CARMIL1: variants seen among roughly 807,000 people sequenced by gnomAD.
CARMIL1 encodes the protein F-actin-uncapping protein LRRC16A.
Under a neutral mutation model 177.1 loss-of-function variants are expected in CARMIL1, and 90 were observed. The observed-to-expected ratio is 0.51, with a 90% CI of 0.43 to 0.61. CARMIL1 has a LOEUF of 0.61. Ranked by LOEUF, CARMIL1 falls within the 20% of genes least tolerant of loss-of-function variation. The pLI, the probability that CARMIL1 is intolerant of heterozygous loss-of-function variation, is 0.00. For missense variants in CARMIL1, 1,380 were observed against 1,667.0 expected (o/e 0.83, Z 3.00); for synonymous variants, 577 against 606.2 (o/e 0.95, Z 0.71).
chr6:25,306,040 C>A (rs1200810837), intron 2 of CARMIL1, among the ~76,000 whole-genome samples: 1 of 152,110 alleles, frequency 6.6e-6, no homozygotes, highest in Non-Finnish European at 1.5e-5. Context: ...ATTTCCAGAA[C>A]TTTTTCATCC....
At chr6:25,279,962 G>C in intron 1 of CARMIL1, 127 bp downstream of exon 1, 2 of 1,117,444 alleles carry the variant, frequency 1.8e-6, no homozygotes, top group Non-Finnish European at 2.7e-6. Flanking sequence ...GAGTGGTGTT[G>C]GGCAGGGTCA....
intron 8 of CARMIL1, among the ~76,000 whole-genome samples, chr6:25,460,657 T>G (rs910334618): frequency 6.6e-6 from 1 of 152,208 alleles, no homozygotes; most frequent in African/African-American, 2.4e-5. Context: ...GAAATTGAGG[T>G]TTTACATGTT....
At chr6:25,610,228 GAGGGACATTTCAA>G in intron 36 of CARMIL1, 47 bp downstream of exon 36, 1 of 1,559,634 alleles carries the variant, frequency 6.4e-7, no homozygotes, top group Non-Finnish European at 8.7e-7. Context: ...TCTCCCCAAG[GAGGGACATTTCAA>G]AATAAAGGAA....
intron 24 of CARMIL1, among the ~76,000 whole-genome samples, chr6:25,533,321 C>T (rs1356889747): frequency 6.6e-6 from 1 of 152,154 alleles, no homozygotes; most frequent in African/African-American, 2.4e-5. Flanking sequence ...AACTTGGGCT[C>T]TCAAGTCAGA....
chr6:25,585,555 T>A (rs928648130), intron 31 of CARMIL1, among the ~76,000 whole-genome samples: 1 of 152,216 alleles, frequency 6.6e-6, no homozygotes, highest in African/African-American at 2.4e-5. Context: ...TTATTTTTTA[T>A]TTTTTAGTAT....
At chr6:25,433,871 A>G (rs941633273) in intron 4 of CARMIL1, among the ~76,000 whole-genome samples, 5 of 152,212 alleles carry the variant, frequency 3.3e-5, no homozygotes, top group African/African-American at 7.2e-5. Flanking sequence ...TTTGACATAC[A>G]TATGTTGAAA....
intron 4 of CARMIL1, among the ~76,000 whole-genome samples, chr6:25,427,028 G>T (rs562777825): frequency 1.3e-5 from 2 of 152,038 alleles, no homozygotes; most frequent in Non-Finnish European, 2.9e-5. Context: ...CTCTGTCTTC[G>T]CCCTCTTCCC....
chr6:25,470,726 T>C (rs1420844194), intron 9 of CARMIL1, among the ~76,000 whole-genome samples: 3 of 152,182 alleles, frequency 2.0e-5, no homozygotes, highest in African/African-American at 7.2e-5. Context: ...TGGTGCCTTT[T>C]AGCTGTGTCT....
At chr6:25,332,775 G>GCACACACACACA (rs1441062522) in intron 2 of CARMIL1, among the ~76,000 whole-genome samples, 2 of 137,206 alleles carry the variant, frequency 1.5e-5, no homozygotes, top group African/African-American at 5.6e-5. Flanking sequence ...ACACACACGC[G>GCACACACACACA]CACACACACA....
At chr6:25,403,099 T>A (rs13216709) in intron 2 of CARMIL1, among the ~76,000 whole-genome samples, 49,231 of 146,948 alleles carry the variant, frequency 0.34, 8,246 homozygotes, top group Middle Eastern at 0.41. Flanking sequence ...TTTTTTTTTT[T>A]AAAAACAAAA....
chr6:25,566,968 A>G (rs1310856809), intron 29 of CARMIL1, among the ~76,000 whole-genome samples: 1 of 152,244 alleles, frequency 6.6e-6, no homozygotes, highest in Non-Finnish European at 1.5e-5. Flanking sequence ...CTGAGGAGAA[A>G]GAGATTAAAA....
rs373127106 is a variant in CARMIL1 at position 25,534,991 on chromosome 6, G to T, written c.2068-2864G>T. ...TTGCTAATAGTTGTAATTCTTACCC[G>T]TGGGTTCAATAGCCCAGTATATCTG... On this transcript the variant is annotated intron_variant, in intron 24 of 36. Coordinates refer to ENST00000329474, the MANE Select transcript of CARMIL1 (RefSeq NM_017640.6). 5.3e-5 allele frequency among the ~76,000 whole-genome samples: 8 copies of T among 152,318 alleles called. No homozygotes were observed. In the South Asian group the frequency reaches 1.5e-3, roughly 28 times the overall value.
At chr6:25,488,385 C>T (rs780065071) in intron 12 of CARMIL1, 97 bp from the exon 13 acceptor site, 24 of 882,120 alleles carry the variant, frequency 2.7e-5, no homozygotes, top group Non-Finnish European at 4.7e-5. Context: ...AACCTCAGTC[C>T]TGCAATTTGA....
chr6:25,388,153 A>G (rs1792366952), intron 2 of CARMIL1: 1 of 152,210 alleles, frequency 6.6e-6, no homozygotes, highest in African/African-American at 2.4e-5. Context: ...CATTTGATGT[A>G]GAAGCGTTTC....
chr6:25,315,335 G>T (rs1050830291), intron 2 of CARMIL1, among the ~76,000 whole-genome samples: 1 of 152,186 alleles, frequency 6.6e-6, no homozygotes, highest in African/African-American at 2.4e-5. Flanking sequence ...TGTCTTGGTA[G>T]GCATCTTCTC....
At chr6:25,389,329 C>A (rs953063172) in intron 2 of CARMIL1, among the ~76,000 whole-genome samples, 19 of 151,996 alleles carry the variant, frequency 1.3e-4, no homozygotes, top group African/African-American at 4.6e-4. Flanking sequence ...TTTAAATCTT[C>A]TTTTAGTCAT....
At chr6:25,388,806 G>A (rs1313405747) in intron 2 of CARMIL1, among the ~76,000 whole-genome samples, 1 of 152,100 alleles carries the variant, frequency 6.6e-6, no homozygotes, top group African/African-American at 2.4e-5. Context: ...AAGTGTAGCA[G>A]CTGGGACTAT....
chr6:25,442,736 G>C (rs1797887128), intron 5 of CARMIL1, among the ~76,000 whole-genome samples: 1 of 152,110 alleles, frequency 6.6e-6, no homozygotes, highest in South Asian at 2.1e-4. Context: ...AGTTGAAAAA[G>C]AAAAATGAGA....
intron 35 of CARMIL1, among the ~76,000 whole-genome samples, chr6:25,606,985 C>G (rs1349694066): frequency 1.3e-5 from 2 of 152,046 alleles, no homozygotes; most frequent in African/African-American, 4.8e-5. Context: ...ACCTTATTCT[C>G]TCCTGCACAA....
Sources: gnomAD v4.1 joint callset for allele counts (sites outside exome capture counted in the v4.1 genomes callset) on GRCh38, gnomAD v4.1.1 for gene constraint, MANE v1.5 for transcripts, NCBI Gene and HGNC (gene_info 2026-07-23, HGNC 2026-07-21) for gene names.